The following TNKS2 variants were observed in gnomAD, a reference collection of about 807,000 sequenced individuals.
The protein encoded by TNKS2 is poly [ADP-ribose] polymerase tankyrase-2.
In TNKS2, 72 loss-of-function variants were observed where a neutral mutation model predicts 137.6. The ratio of observed to expected loss-of-function variants is 0.52; its 90% CI spans 0.43 to 0.64. TNKS2 has a LOEUF of 0.64. TNKS2 is among the 30% of genes least tolerant of loss of function. The pLI is 0.00. For synonymous variants in TNKS2, 516 were observed against 512.1 expected, an observed-to-expected ratio of 1.01 and a Z score of -0.10; for missense variants, 1,049 against 1,410.2, an observed-to-expected ratio of 0.74 and a Z score of 4.10.
At chr10:91,803,672 A>T (rs1844244094) in intron 1 of TNKS2, among the ~76,000 whole-genome samples, 1 of 152,250 alleles carries the variant, frequency 6.6e-6, no homozygotes, top group Non-Finnish European at 1.5e-5. Context: ...GACATTCCTC[A>T]GAAAAAATGT....
intron 13 of TNKS2, among the ~76,000 whole-genome samples, chr10:91,838,395 G>A (rs759357417): frequency 6.6e-5 from 10 of 152,096 alleles, no homozygotes; most frequent in African/African-American, 1.7e-4. Context: ...GGCTCTGTAC[G>A]AATCACTGGG....
intron 23 of TNKS2, among the ~76,000 whole-genome samples, chr10:91,855,954 T>C (rs1842692713): frequency 6.6e-6 from 1 of 152,194 alleles, no homozygotes; most frequent in African/African-American, 2.4e-5. Context: ...CTAAATACTA[T>C]AGGTTCAATA....
chr10:91,837,744 C>T (rs1003906370), intron 13 of TNKS2, among the ~76,000 whole-genome samples: 1 of 152,188 alleles, frequency 6.6e-6, no homozygotes, highest in African/African-American at 2.4e-5. Flanking sequence ...CCTGTAATCC[C>T]AGGTACTTGG....
intron 1 of TNKS2, among the ~76,000 whole-genome samples, chr10:91,801,751 C>T (rs929965000): frequency 2.6e-5 from 4 of 152,150 alleles, no homozygotes; most frequent in African/African-American, 9.7e-5. Flanking sequence ...GGATTACAGG[C>T]GTGAGCCACT....
intron 21 of TNKS2, among the ~76,000 whole-genome samples, chr10:91,853,976 A>T (rs777576841): frequency 1.3e-5 from 2 of 152,272 alleles, no homozygotes; most frequent in Non-Finnish European, 2.9e-5. Flanking sequence ...GAATTAGAAA[A>T]TTCTGTTTAA....
At chr10:91,830,477 C>A (rs570974152) in intron 9 of TNKS2, among the ~76,000 whole-genome samples, 75 of 152,334 alleles carry the variant, frequency 4.9e-4, no homozygotes, top group Non-Finnish European at 9.3e-4. Context: ...CTCGGCCTCC[C>A]AAAGTGCTGG....
Position 91,865,465 on chromosome 10 carries a change from A to G in TNKS2, c.*2466A>G, listed in dbSNP as rs1310601310. On this transcript the variant is annotated 3_prime_UTR_variant, in exon 27 of 27. Transcript: ENST00000371627. ...AGCTGTACTTGCTCATTAAAATGAAAGTAGCTGTGAGATGCTTTCAACATT... is the reference window on the plus strand; with the variant it reads ...AGCTGTACTTGCTCATTAAAATGAAGGTAGCTGTGAGATGCTTTCAACATT... 6.6e-6 allele frequency among the ~76,000 whole-genome samples: 1 copy of G among 152,214 alleles called. No homozygotes were observed. Among genetic ancestry groups the G allele is most frequent in the Non-Finnish European group, 1.5e-5 (1 of 68,044 alleles).
At chr10:91,859,367 A>G (rs747433036) in intron 24 of TNKS2, 95 bp from the exon 25 acceptor site, 7 of 1,061,128 alleles carry the variant, frequency 6.6e-6, no homozygotes, top group South Asian at 2.2e-5. Context: ...TGGTTGGGCT[A>G]TATATTTAAG....
chr10:91,807,522 C>T (rs1310402307), intron 1 of TNKS2: 23 of 1,267,950 alleles, frequency 1.8e-5, no homozygotes, highest in African/African-American at 3.0e-5. Flanking sequence ...AGTCGCCAAC[C>T]GACGCGAGTC....
chr10:91,849,522 A>G lies in TNKS2; in HGVS notation c.2622A>G (p.Val874=). Reference sequence around the variant, plus strand: ...TTTTTTATTTCCCAGTTCCAGGAGTAGATTTTAGCATAACTCAATTCGTAA... The same window carrying G: ...TTTTTTATTTCCCAGTTCCAGGAGTGGATTTTAGCATAACTCAATTCGTAA... ...SSLEKKEVPG[V]DFSITQFVRN... Residue 874 remains valine (V), a synonymous_variant, in exon 20 of 27, where the codon GTA becomes GTG. Transcript: ENST00000371627. The G allele has an allele frequency of 6.2e-7, 1 of 1,610,416 alleles. No homozygotes were observed. The highest frequency in any genetic ancestry group is 8.5e-7 in the Non-Finnish European group (1 of 1,178,876).
intron 7 of TNKS2, among the ~76,000 whole-genome samples, chr10:91,824,579 C>T (rs1012899142): frequency 1.3e-5 from 2 of 152,144 alleles, no homozygotes; most frequent in African/African-American, 4.8e-5. Context: ...TTGGAAGGGA[C>T]TGTTGGAACC....
intron 12 of TNKS2, 58 bp downstream of exon 12, chr10:91,834,082 A>T: frequency 1.4e-6 from 2 of 1,408,288 alleles, no homozygotes; most frequent in South Asian, 1.7e-5. Flanking sequence ...AATTTTTCAC[A>T]TATCAGGTAT....
At chr10:91,813,574 GTCTT>G (rs1283913570) in intron 2 of TNKS2, among the ~76,000 whole-genome samples, 1 of 152,182 alleles carries the variant, frequency 6.6e-6, no homozygotes, top group Non-Finnish European at 1.5e-5. Context: ...GAAAGGGAAA[GTCTT>G]TCCAGTGGGG....
In TNKS2 at chr10:91,822,359, C is replaced by G. The variant is rs368810318; in HGVS notation, c.792C>G (p.Val264=). The G allele has an allele frequency of 3.1e-6, 5 of 1,611,396 alleles. No individual in the cohort carries two copies. The African/African-American group carries it at 6.7e-5, about 22-fold the overall frequency. ...ATTATGAAGTAACTGAACTTTTGGTCAAGGTTAGTGCTCTTGTACTCTCCT... is the reference window on the plus strand; with the variant it reads ...ATTATGAAGTAACTGAACTTTTGGTGAAGGTTAGTGCTCTTGTACTCTCCT... The part of the protein sequence containing the change: ...YGHYEVTELL[V]KHGACVNAMD... Residue 264 remains valine (V), a synonymous_variant, in exon 7 of 27, where the codon GTC becomes GTG. Coordinates refer to ENST00000371627, the MANE Select transcript of TNKS2 (RefSeq NM_025235.4).
intron 11 of TNKS2, among the ~76,000 whole-genome samples, chr10:91,833,382 A>G: frequency 6.6e-6 from 1 of 152,164 alleles, no homozygotes; most frequent in East Asian, 1.9e-4. Flanking sequence ...GTATTCCACT[A>G]TGTGACTATT....
intron 7 of TNKS2, 145 bp downstream of exon 7, chr10:91,822,507 G>A: frequency 1.6e-6 from 1 of 611,326 alleles, no homozygotes; most frequent in Non-Finnish European, 2.8e-6. Context: ...TAAAATATAG[G>A]TGACTGATAG....
At chr10:91,820,497 T>TA (rs1360334298) in intron 6 of TNKS2, among the ~76,000 whole-genome samples, 10 of 152,168 alleles carry the variant, frequency 6.6e-5, no homozygotes, top group African/African-American at 2.4e-4. Context: ...AAAGCACATT[T>TA]AAAAAACAGT....
intron 2 of TNKS2, among the ~76,000 whole-genome samples, chr10:91,815,459 A>G (rs866323878): frequency 7.2e-6 from 1 of 138,768 alleles, no homozygotes; most frequent in African/African-American, 2.8e-5. Flanking sequence ...ACATATAATT[A>G]ATTAGTTTTA....
chr10:91,847,833 A>T (rs1384265224), intron 18 of TNKS2, among the ~76,000 whole-genome samples: 1 of 152,234 alleles, frequency 6.6e-6, no homozygotes, highest in Non-Finnish European at 1.5e-5. Flanking sequence ...ATAGGACTAA[A>T]ATCTCTTACC....
Sources: allele counts gnomAD v4.1 joint callset (sites outside exome capture counted in the v4.1 genomes callset), GRCh38; gene constraint gnomAD v4.1.1; transcripts MANE v1.5; gene names NCBI Gene and HGNC (gene_info 2026-07-23, HGNC 2026-07-21).